Variants in CADM2 observed in about 807,000 individuals in gnomAD.
CADM2 encodes cell adhesion molecule 2.
In CADM2, 12 loss-of-function variants were observed where a neutral mutation model predicts 49.8. That is an observed-to-expected ratio of 0.24 (90% CI 0.15 to 0.39). The LOEUF (loss-of-function observed/expected upper bound fraction) is 0.39, where lower values mean the gene tolerates loss of function less well. Among genes scored for constraint, CADM2 ranks in the 10% least tolerant of loss-of-function variants. CADM2 has a pLI of 1.00. For missense variants in CADM2, 378 were observed against 492.3 expected, an observed-to-expected ratio of 0.77 and a Z score of 2.20; for synonymous variants, 214 against 175.4, an observed-to-expected ratio of 1.22 and a Z score of -1.74.
intron 8 of CADM2, among the ~76,000 whole-genome samples, chr3:85,966,815 A>G (rs1045704896): frequency 6.6e-6 from 1 of 151,712 alleles, no homozygotes; most frequent in Non-Finnish European, 1.5e-5. Flanking sequence ...TGATGGAAAT[A>G]TGATACTGCT....
chr3:86,038,114 T>G (rs914120386), intron 8 of CADM2, among the ~76,000 whole-genome samples: 5 of 152,138 alleles, frequency 3.3e-5, no homozygotes, highest in African/African-American at 1.2e-4. Flanking sequence ...GTTAGTTTGC[T>G]GAGAATGATA....
At chr3:86,038,725 T>G (rs577999088) in intron 8 of CADM2, among the ~76,000 whole-genome samples, 1 of 152,334 alleles carries the variant, frequency 6.6e-6, no homozygotes, top group African/African-American at 2.4e-5. Flanking sequence ...TTCACATATT[T>G]AATTGTCAAA....
intron 1 of CADM2, among the ~76,000 whole-genome samples, chr3:85,394,736 G>A (rs1208992634): frequency 2.0e-5 from 3 of 152,012 alleles, no homozygotes; most frequent in Non-Finnish European, 2.9e-5. Flanking sequence ...TTCTTTATAA[G>A]CTATTCATTG....
intron 1 of CADM2, among the ~76,000 whole-genome samples, chr3:85,702,824 C>A (rs191039037): frequency 6.6e-6 from 1 of 152,186 alleles, no homozygotes; most frequent in Non-Finnish European, 1.5e-5. Context: ...AGTGTTAATC[C>A]ATTGGAGTAA....
At chr3:85,323,975 C>T (rs551836001) in intron 1 of CADM2, among the ~76,000 whole-genome samples, 1 of 152,178 alleles carries the variant, frequency 6.6e-6, no homozygotes, top group South Asian at 2.1e-4. Context: ...GCAAAATTTC[C>T]AATATAGTGG....
intron 1 of CADM2, among the ~76,000 whole-genome samples, chr3:85,267,840 T>C (rs899085070): frequency 6.6e-6 from 1 of 151,660 alleles, no homozygotes; most frequent in Admixed American, 6.6e-5. Context: ...ATAGGCAGAA[T>C]ACATTTATCT....
rs144402035 is a variant in CADM2 at position 85,843,769 on chromosome 3, A to G, written c.239-39522A>G. On this transcript the variant is annotated intron_variant, in intron 3 of 9. Coordinates refer to ENST00000383699, the MANE Select transcript of CADM2 (RefSeq NM_001167675.2). ...ATCACGTTAATGCTCCAGGTAAACA[A>G]CAGAAGCTAAAACACCAGGAGAAAC... Among the ~76,000 whole-genome samples the G allele has an allele frequency of 3.7e-3, 558 of 152,298 alleles. 3 individuals are homozygous for G. The highest frequency in any genetic ancestry group is 0.013 in the African/African-American group (533 of 41,574).
Position 85,202,823 on chromosome 3 carries a change from C to G in CADM2, c.61+243155C>G, listed in dbSNP as rs373144749. Among the ~76,000 whole-genome samples, 6 of 152,290 alleles carry G rather than the reference C, an allele frequency of 3.9e-5. No individual in the cohort carries two copies. In the South Asian group the frequency reaches 6.2e-4, roughly 16 times the overall value. On this transcript the variant is annotated intron_variant, in intron 1 of 9. Transcript: ENST00000383699. ...GTCTACATGGAAAATCTGTTTTTTC[C>G]TGTAGCCACCTTCATCAATAATCTT...
chr3:85,341,606 A>T (rs1012846441), intron 1 of CADM2, among the ~76,000 whole-genome samples: 1 of 151,998 alleles, frequency 6.6e-6, no homozygotes. Context: ...TGTTTAGCTT[A>T]AAAATGAACT....
At chr3:85,312,777 A>T (rs2107058788) in intron 1 of CADM2, among the ~76,000 whole-genome samples, 1 of 152,326 alleles carries the variant, frequency 6.6e-6, no homozygotes, top group South Asian at 2.1e-4. Context: ...TTCCAAAGAG[A>T]TAAAATGAAT....
At chr3:85,704,094 T>C (rs566046683) in intron 1 of CADM2, among the ~76,000 whole-genome samples, 1 of 152,330 alleles carries the variant, frequency 6.6e-6, no homozygotes, top group African/African-American at 2.4e-5. Flanking sequence ...GACTCAATAC[T>C]GTTCTTTTCA....
intron 8 of CADM2, among the ~76,000 whole-genome samples, chr3:86,011,189 C>G (rs1331211171): frequency 2.6e-5 from 4 of 151,904 alleles, no homozygotes; most frequent in African/African-American, 9.7e-5. Context: ...ATCAATTTTA[C>G]TGAAATATTA....
At chr3:85,267,706 G>C (rs2106830297) in intron 1 of CADM2, among the ~76,000 whole-genome samples, 1 of 151,550 alleles carries the variant, frequency 6.6e-6, no homozygotes, top group East Asian at 1.9e-4. Flanking sequence ...TATGCCTGAT[G>C]CAAGCTGAGG....
chr3:84,974,730 G>A (rs1336772352), intron 1 of CADM2, among the ~76,000 whole-genome samples: 1 of 151,908 alleles, frequency 6.6e-6, no homozygotes, highest in Non-Finnish European at 1.5e-5. Flanking sequence ...TTTTTGTACA[G>A]TAGATAAAAA....
chr3:85,026,928 T>G (rs946229746), intron 1 of CADM2, among the ~76,000 whole-genome samples: 1 of 152,002 alleles, frequency 6.6e-6, no homozygotes. Context: ...AACTATTTTA[T>G]GTACTACTTT....
chr3:85,545,878 G>A (rs2061659825), intron 1 of CADM2, among the ~76,000 whole-genome samples: 1 of 152,210 alleles, frequency 6.6e-6, no homozygotes, highest in African/African-American at 2.4e-5. Flanking sequence ...TATGATCTCA[G>A]TTTACCAGAG....
At chr3:85,552,834 G>A (rs1479599939) in intron 1 of CADM2, among the ~76,000 whole-genome samples, 3 of 151,680 alleles carry the variant, frequency 2.0e-5, no homozygotes, top group South Asian at 4.2e-4. Context: ...GTGCCACCAC[G>A]CCCAGCAAAT....
At chr3:85,629,958 A>G (rs1158938857) in intron 1 of CADM2, among the ~76,000 whole-genome samples, 1 of 152,042 alleles carries the variant, frequency 6.6e-6, no homozygotes, top group African/African-American at 2.4e-5. Context: ...TCAAATGCTC[A>G]TTAAGTGTTT....
chr3:85,889,099 A>G (rs533755119), intron 5 of CADM2, among the ~76,000 whole-genome samples: 2 of 152,300 alleles, frequency 1.3e-5, no homozygotes, highest in South Asian at 2.1e-4. Context: ...ATGAGAAACC[A>G]AGAAACTTGA....
Sources: gnomAD v4.1 joint callset for allele counts (sites outside exome capture counted in the v4.1 genomes callset) on GRCh38, gnomAD v4.1.1 for gene constraint, MANE v1.5 for transcripts, NCBI Gene and HGNC (gene_info 2026-07-23, HGNC 2026-07-21) for gene names.